The following RC3H2 variants were observed in gnomAD, a reference collection of about 807,000 sequenced individuals.
RC3H2 encodes ring finger and CCCH-type domains 2.
In RC3H2, 31 loss-of-function variants were observed where a neutral mutation model predicts 133.3. The observed-to-expected ratio is 0.23, with a 90% CI of 0.17 to 0.31. The LOEUF (loss-of-function observed/expected upper bound fraction) is 0.31, where lower values mean the gene tolerates loss of function less well. Among genes scored for constraint, RC3H2 ranks in the 10% least tolerant of loss-of-function variants. The probability of loss-of-function intolerance (pLI) is 1.00; values close to 1 mark genes in which losing one functional copy is unlikely to be tolerated. For synonymous variants in RC3H2, 517 were observed against 502.2 expected (o/e 1.03, Z -0.40); for missense variants, 1,175 against 1,437.2 (o/e 0.82, Z 2.95).
chr9:122,903,744 A>G (rs1354058978), intron 1 of RC3H2, among the ~76,000 whole-genome samples: 1 of 152,244 alleles, frequency 6.6e-6, no homozygotes, highest in Non-Finnish European at 1.5e-5. Flanking sequence ...TGAAAACATT[A>G]ATCTCCAAAT....
rs1343650965 is a variant in RC3H2, at chr9:122,880,134, C to A, written c.961-9G>T. The stretch of plus-strand genomic sequence containing the variant: ...GACTCTGGAGACTGTAGCTAACAAA[C>A]AGAAATGAGAATGCTTTTTACTTTG... On this transcript the variant is annotated splice_polypyrimidine_tract_variant and intron_variant, in intron 6 of 20. Coordinates refer to ENST00000357244, the MANE Select transcript of RC3H2 (RefSeq NM_001100588.3). The A allele has an allele frequency of 6.2e-7, 1 of 1,613,794 alleles. No individual in the cohort carries two copies. Among genetic ancestry groups the A allele is most frequent in the African/African-American group, 1.3e-5 (1 of 75,020 alleles).
At chr9:122,880,851 A>AT in intron 5 of RC3H2, 57 bp from the exon 6 acceptor site, 1 of 1,248,158 alleles carries the variant, frequency 8.0e-7, no homozygotes, top group Non-Finnish European at 1.2e-6. Flanking sequence ...CCTTCAACTG[A>AT]TTCGTTTATT....
intron 2 of RC3H2, among the ~76,000 whole-genome samples, chr9:122,894,407 AGAG>A (rs1832330830): frequency 6.6e-6 from 1 of 152,152 alleles, no homozygotes; most frequent in Non-Finnish European, 1.5e-5. Context: ...ATTCTAGTGG[AGAG>A]GAGAAGAGGT....
At chr9:122,859,252 C>CTTTTGTTTTTT in intron 11 of RC3H2, 150 bp from the exon 12 acceptor site, 1 of 179,718 alleles carries the variant, frequency 5.6e-6, no homozygotes, top group African/African-American at 4.9e-5. Flanking sequence ...TATACCCTGG[C>CTTTTGTTTTTT]TTTTTTTTTT....
chr9:122,867,396 C>A (rs987198671), intron 9 of RC3H2, among the ~76,000 whole-genome samples: 1 of 141,348 alleles, frequency 7.1e-6, no homozygotes, highest in East Asian at 2.1e-4. Flanking sequence ...CCGCTCCGTC[C>A]GGGAGGGAGG....
intron 3 of RC3H2, among the ~76,000 whole-genome samples, chr9:122,892,180 C>T (rs1048567305): frequency 8.6e-5 from 13 of 151,828 alleles, no homozygotes; most frequent in Non-Finnish European, 1.8e-4. Flanking sequence ...GGCACGATCA[C>T]AGCTCACTGC....
chr9:122,880,339 T>C, intron 6 of RC3H2: 1 of 782,786 alleles, frequency 1.3e-6, no homozygotes, highest in South Asian at 1.4e-5. Context: ...ATTAACTCTC[T>C]GAGGTCAGAA....
chr9:122,880,026 A>C lies in RC3H2; in HGVS notation c.1060T>G (p.Leu354Val), dbSNP rs201858192. The change falls in exon 7 of 21, where the codon TTA (leucine) becomes GTA (valine). Residue 354 changes from leucine to valine, a missense_variant. Physicochemically the swap from Leu to Val is conservative, Grantham distance 32 (BLOSUM62 1). Coordinates refer to ENST00000357244, the MANE Select transcript of RC3H2 (RefSeq NM_001100588.3). ...PANLNRLRPH[L>V]ELLANIDPNP... is the part of the protein sequence containing the mutation. The stretch of plus-strand genomic sequence containing the variant: ...GGGTCTATGTTTGCAAGAAGCTCTA[A>C]ATGAGGCCTCAGTCTATTTAAGTTA... 33 of 1,614,048 alleles carry C rather than the reference A, an allele frequency of 2.0e-5. No homozygotes were observed. Among genetic ancestry groups the C allele is most frequent in the Admixed American group, 5.0e-5 (3 of 59,998 alleles).
intron 12 of RC3H2, among the ~76,000 whole-genome samples, 184 bp downstream of exon 12, chr9:122,858,485 G>A (rs973409784): frequency 3.3e-5 from 5 of 152,198 alleles, no homozygotes; most frequent in African/African-American, 1.2e-4. Context: ...TCTCACAACA[G>A]CCTTATGAGG....
intron 2 of RC3H2, among the ~76,000 whole-genome samples, chr9:122,895,299 G>C (rs1220415103): frequency 6.6e-6 from 1 of 151,790 alleles, no homozygotes; most frequent in African/African-American, 2.4e-5. Context: ...TCCCAAGTAG[G>C]TGGGACTACA....
intron 10 of RC3H2, among the ~76,000 whole-genome samples, 155 bp from the exon 11 acceptor site, chr9:122,860,286 C>T (rs1020177012): frequency 6.6e-6 from 1 of 152,076 alleles, no homozygotes; most frequent in African/African-American, 2.4e-5. Context: ...ATTTCACTGC[C>T]ACCTTACACA....
At chr9:122,879,896 T>C (rs1303911980) in intron 7 of RC3H2, 23 bp from the exon 8 acceptor site, 1 of 1,610,346 alleles carries the variant, frequency 6.2e-7, no homozygotes, top group Non-Finnish European at 8.5e-7. Flanking sequence ...ACCAAGGGCA[T>C]GGGGGTTGGG....
At chr9:122,901,586 CTTTTT>C (rs11309716) in intron 1 of RC3H2, among the ~76,000 whole-genome samples, 3 of 120,008 alleles carry the variant, frequency 2.5e-5, no homozygotes, top group African/African-American at 3.2e-5. Flanking sequence ...CCAATGCATT[CTTTTT>C]TTTTTTTTTT....
intron 11 of RC3H2, 150 bp from the exon 12 acceptor site, chr9:122,859,252 C>CTTTTTTTTTTGTTTT: frequency 5.6e-6 from 1 of 179,718 alleles, no homozygotes; most frequent in South Asian, 1.5e-4. Flanking sequence ...TATACCCTGG[C>CTTTTTTTTTTGTTTT]TTTTTTTTTT....
chr9:122,891,754 T>TA (rs1195065061), intron 3 of RC3H2, among the ~76,000 whole-genome samples: 2 of 152,234 alleles, frequency 1.3e-5, no homozygotes, highest in East Asian at 3.8e-4. Flanking sequence ...TATGGCCACA[T>TA]ACACAACAGT....
chr9:122,875,012 C>T (rs750373449), intron 9 of RC3H2: 43 of 733,100 alleles, frequency 5.9e-5, no homozygotes, highest in African/African-American at 8.8e-5. Flanking sequence ...CTTTTTTAGT[C>T]GAACTTTCTC....
intron 5 of RC3H2, among the ~76,000 whole-genome samples, chr9:122,881,896 T>C (rs1831654442): frequency 6.6e-6 from 1 of 152,082 alleles, no homozygotes; most frequent in Admixed American, 6.5e-5. Context: ...TTGGTAACAG[T>C]AGAGGATAAA....
intron 4 of RC3H2, among the ~76,000 whole-genome samples, chr9:122,889,945 C>A (rs1359258073): frequency 2.6e-5 from 4 of 152,120 alleles, no homozygotes; most frequent in Admixed American, 2.6e-4. Flanking sequence ...AGTTCCAGAC[C>A]AGTCTGGCCA....
rs1830887445 is a variant in RC3H2, at chr9:122,868,819, T to C, written c.1326-3162A>G. 4.1e-5 allele frequency among the ~76,000 whole-genome samples: 6 copies of C among 147,270 alleles called. 1 individual carries two copies. Among genetic ancestry groups the C allele is most frequent in the South Asian group, 2.1e-4 (1 of 4,736 alleles). ...CCAAAATTTCATTATAATATAATCC[T>C]TAACAATATTCCCTCCTATATGTGT... is the stretch of plus-strand genomic sequence containing the variant. On this transcript the variant is annotated intron_variant, in intron 9 of 20. Coordinates refer to ENST00000357244, the MANE Select transcript of RC3H2 (RefSeq NM_001100588.3).
Sources: gnomAD v4.1 joint callset for allele counts (sites outside exome capture counted in the v4.1 genomes callset) on GRCh38, gnomAD v4.1.1 for gene constraint, MANE v1.5 for transcripts, NCBI Gene and HGNC (gene_info 2026-07-23, HGNC 2026-07-21) for gene names.